MAPRE3: variants seen among roughly 807,000 people sequenced by gnomAD.
MAPRE3 encodes microtubule associated protein RP/EB family member 3.
A neutral mutation model predicts 30.5 loss-of-function variants in MAPRE3; 2 were observed. The observed-to-expected ratio is 0.07, with a 90% CI of 0.03 to 0.21. The LOEUF (loss-of-function observed/expected upper bound fraction) is 0.21. MAPRE3 is among the 10% of genes least tolerant of loss of function. MAPRE3 has a pLI of 1.00. For synonymous variants in MAPRE3, 110 were observed against 127.7 expected, an observed-to-expected ratio of 0.86 and a Z score of 0.93; for missense variants, 204 against 351.8, an observed-to-expected ratio of 0.58 and a Z score of 3.36.
At position 26,985,201 on chromosome 2, in the gene MAPRE3, T is replaced by C. The variant is rs571198463; in HGVS notation, c.-8+14399T>C. The stretch of plus-strand genomic sequence containing the variant: ...ATGGTGCTTCGGCCCTGAGAGAGAT[T>C]GTTAAGACATGTGCTGTTGAAACTC... On this transcript the variant is annotated intron_variant, in intron 1 of 6. Coordinates refer to ENST00000233121, the MANE Select transcript of MAPRE3 (RefSeq NM_012326.4). This position sits in a 1 kb window ranked among gnomAD's most constrained non-coding sequence, Gnocchi z 4.2. 1.3e-5 allele frequency among the ~76,000 whole-genome samples: 2 copies of C among 152,326 alleles called. No individual in the cohort carries two copies. Among genetic ancestry groups the C allele is most frequent in the Non-Finnish European group, 2.9e-5 (2 of 68,026 alleles).
chr2:27,022,536 C>T, intron 2 of MAPRE3, 197 bp downstream of exon 2: 12 of 656,284 alleles, frequency 1.8e-5, no homozygotes, highest in Non-Finnish European at 7.6e-6. Flanking sequence ...GATGGTGTAG[C>T]CTACTACACA....
chr2:27,007,015 A>G (rs1490451255), intron 1 of MAPRE3, among the ~76,000 whole-genome samples: 1 of 152,180 alleles, frequency 6.6e-6, no homozygotes, highest in Non-Finnish European at 1.5e-5. Flanking sequence ...AGTAAAGAAG[A>G]ATTTATATCC....
intron 1 of MAPRE3, among the ~76,000 whole-genome samples, chr2:27,017,830 G>A (rs768350786): frequency 6.6e-6 from 1 of 151,902 alleles, no homozygotes; most frequent in Non-Finnish European, 1.5e-5. Flanking sequence ...TAAAATATGT[G>A]CATATAACAT....
In MAPRE3 at chr2:27,015,944, C is replaced by A. The variant is rs1666972310; in HGVS notation, c.-7-6268C>A. On this transcript the variant is annotated intron_variant, in intron 1 of 6. Coordinates refer to ENST00000233121, the MANE Select transcript of MAPRE3 (RefSeq NM_012326.4). The surrounding 1 kb of genome is among the most constrained non-coding windows in gnomAD (Gnocchi z 4.0). The stretch of plus-strand genomic sequence containing the variant: ...GAATGACCAGCAGCTTCCCCTCCCG[C>A]AATGAGAGCTGTAATTGCCTTTCCC... Among the ~76,000 whole-genome samples, 1 of 152,160 alleles carries A rather than the reference C, an allele frequency of 6.6e-6. No homozygotes were observed. The highest frequency in any genetic ancestry group is 1.5e-5 in the Non-Finnish European group (1 of 68,040).
At chr2:26,972,121 C>T (rs1366176723) in intron 1 of MAPRE3, among the ~76,000 whole-genome samples, 1 of 152,166 alleles carries the variant, frequency 6.6e-6, no homozygotes, top group Non-Finnish European at 1.5e-5. Context: ...ACCTCATTGT[C>T]AGCTTCTTTT....
chr2:26,990,767 A>G (rs1374175896), intron 1 of MAPRE3, among the ~76,000 whole-genome samples: 4 of 152,212 alleles, frequency 2.6e-5, no homozygotes, highest in African/African-American at 7.2e-5. Context: ...TTACCAAGAG[A>G]GTAATTGCTT....
At chr2:27,018,797 A>G (rs1184505421) in intron 1 of MAPRE3, among the ~76,000 whole-genome samples, 1 of 152,160 alleles carries the variant, frequency 6.6e-6, no homozygotes, top group African/African-American at 2.4e-5. Context: ...TTAGGCAGTT[A>G]TTATCCACCA....
At chr2:27,022,607 T>C (rs7355650) in intron 2 of MAPRE3, 148,530 of 403,676 alleles carry the variant, frequency 0.37, 28,387 homozygotes, top group Admixed American at 0.53. Flanking sequence ...CATGTTTCTG[T>C]ACTAAATACT....
intron 1 of MAPRE3, among the ~76,000 whole-genome samples, chr2:27,020,621 C>A (rs1326677571): frequency 6.6e-6 from 1 of 152,176 alleles, no homozygotes; most frequent in East Asian, 1.9e-4. Context: ...CCAAAAGAAG[C>A]CAGAAATCCC....
Position 27,024,235 on chromosome 2 carries a change from C to T in MAPRE3, c.407C>T (p.Ala136Val), listed in dbSNP as rs761152460. The T allele has an allele frequency of 9.9e-6, 16 of 1,614,126 alleles. No homozygotes were observed. The highest frequency in any genetic ancestry group is 1.6e-4 in the Middle Eastern group (1 of 6,084). ...CTGGCGCGGCAGGGCCAGGACGTAG[C>T]GCCACCTCCTAACCCAGGTGATCAG... ...PLLARQGQDV[A>V]PPPNPGDQIF... Residue 136 changes from alanine (A) to valine (V), a missense_variant, in exon 4 of 7, where the codon GCG becomes GTG. Physicochemically the swap from Ala to Val is moderately conservative, Grantham distance 64 (BLOSUM62 0). Around this residue, in one of 5 missense-constraint regions of MAPRE3, gnomAD observed 101 missense variants for 205.4 expected, o/e 0.49. Transcript: ENST00000233121.
In MAPRE3 at chr2:27,003,653, T is replaced by TG. The variant is rs199892866; in HGVS notation, c.-7-18558dup. ...AAGGTGATACCTGACCAGTCACTAC[T>TG]GTCAAACTTCCAGCTCACGGCTTCT... On this transcript the variant is annotated intron_variant, in intron 1 of 6. Transcript: ENST00000233121. 1.6e-3 allele frequency among the ~76,000 whole-genome samples: 240 copies of TG among 152,338 alleles called. 2 individuals are homozygous for TG. Among genetic ancestry groups the TG allele is most frequent in the African/African-American group, 5.7e-3 (236 of 41,586 alleles).
In MAPRE3 at chr2:26,985,895, G is replaced by C. The variant is rs868739354; in HGVS notation, c.-8+15093G>C. ...TGAAGCCACCAGAAGCTGGAAGAGA[G>C]GCAGGGAGCAGATTCCCCCAAGAGC... On this transcript the variant is annotated intron_variant, in intron 1 of 6. Coordinates refer to ENST00000233121, the MANE Select transcript of MAPRE3 (RefSeq NM_012326.4). The surrounding 1 kb of genome is among the most constrained non-coding windows in gnomAD (Gnocchi z 4.2). 6.6e-6 allele frequency among the ~76,000 whole-genome samples: 1 copy of C among 152,120 alleles called. No individual in the cohort carries two copies. Among genetic ancestry groups the C allele is most frequent in the Non-Finnish European group, 1.5e-5 (1 of 68,030 alleles).
At chr2:26,974,874 T>C (rs1665986790) in intron 1 of MAPRE3, among the ~76,000 whole-genome samples, 3 of 152,218 alleles carry the variant, frequency 2.0e-5, no homozygotes, top group African/African-American at 7.2e-5. Context: ...AAGCATAAAA[T>C]AGCAAATAAT....
chr2:27,002,919 G>T (rs1666631639), intron 1 of MAPRE3: 1 of 152,240 alleles, frequency 6.6e-6, no homozygotes, highest in African/African-American at 2.4e-5. Flanking sequence ...CTCACTCGTT[G>T]CTCTTACTGG....
chr2:27,023,486 C>T lies in MAPRE3; in HGVS notation c.267+9C>T. 1.2e-6 allele frequency: 2 copies of T among 1,613,680 alleles called. No individual in the cohort carries two copies. The highest frequency in any genetic ancestry group is 1.7e-6 in the Non-Finnish European group (2 of 1,179,880). On this transcript the variant is annotated intron_variant, in intron 3 of 6. Transcript: ENST00000233121. ...AGATGGGTGTTGACAAAGTAGGTGC[C>T]TGCGCTCTGGGGGGCCCTGAGGAGC...
intron 1 of MAPRE3, among the ~76,000 whole-genome samples, chr2:26,988,353 A>G (rs1330875265): frequency 1.3e-5 from 2 of 152,190 alleles, no homozygotes; most frequent in South Asian, 4.1e-4. Context: ...CATCAAGAAC[A>G]CTGCATACAT....
chr2:26,996,088 G>C (rs1666453044), intron 1 of MAPRE3, among the ~76,000 whole-genome samples: 1 of 151,138 alleles, frequency 6.6e-6, no homozygotes, highest in Non-Finnish European at 1.5e-5. Context: ...GGTACCCATA[G>C]AAACAGATGA....
intron 2 of MAPRE3, chr2:27,022,617 T>A: frequency 2.7e-6 from 1 of 366,010 alleles, no homozygotes; most frequent in Non-Finnish European, 5.0e-6. Flanking sequence ...TACTAAATAC[T>A]GCAGACAGTT....
At chr2:27,021,573 C>T (rs1667110959) in intron 1 of MAPRE3, among the ~76,000 whole-genome samples, 1 of 152,200 alleles carries the variant, frequency 6.6e-6, no homozygotes, top group Non-Finnish European at 1.5e-5. Context: ...AGGTTACTGT[C>T]GCTTAAAACC....
Sources: allele counts gnomAD v4.1 joint callset (sites outside exome capture counted in the v4.1 genomes callset), GRCh38; gene constraint gnomAD v4.1.1; regional missense constraint gnomAD v4.1.1; non-coding constraint Gnocchi (gnomAD v3.1); transcripts MANE v1.5; gene names NCBI Gene and HGNC (gene_info 2026-07-23, HGNC 2026-07-21).